Variants in XYLB observed in about 807,000 individuals in gnomAD.
The protein encoded by XYLB is xylulose kinase.
XYLB carries 62 observed loss-of-function variants against 78.7 expected under a neutral mutation model. That is an observed-to-expected ratio of 0.79 (90% CI 0.64 to 0.97). The LOEUF is 0.97. Ranked by LOEUF, XYLB falls within the 50% of genes least tolerant of loss-of-function variation. The probability of loss-of-function intolerance (pLI) is 0.00; values close to 1 mark genes in which losing one functional copy is unlikely to be tolerated. For missense variants in XYLB, 687 were observed against 676.8 expected (o/e 1.02, Z -0.17); for synonymous variants, 245 against 247.4 (o/e 0.99, Z 0.09).
At chr3:38,423,854 C>T (rs1709049062), downstream of XYLB, among the ~76,000 whole-genome samples, 1 of 152,206 alleles carries the variant, frequency 6.6e-6, no homozygotes, top group African/African-American at 2.4e-5. Flanking sequence ...TGACAAAATT[C>T]AGACTACTAC....
chr3:38,439,304 T>G, the XYLB span, among the ~76,000 whole-genome samples: 15 of 152,248 alleles, frequency 9.9e-5, no homozygotes, highest in East Asian at 1.2e-3. Flanking sequence ...CATTTGGGAT[T>G]CCATTTGTAA....
chr3:38,348,464 G>C (rs1705186435), intron 1 of XYLB, 86 bp from the exon 2 acceptor site: 2 of 1,278,316 alleles, frequency 1.6e-6, no homozygotes, highest in Admixed American at 1.8e-5. Context: ...TAGGGTGTGG[G>C]GCCTCATCTG....
At chr3:38,395,365 T>G in intron 15 of XYLB, 140 bp from the exon 16 acceptor site, 1 of 742,652 alleles carries the variant, frequency 1.3e-6, no homozygotes. Context: ...CAGCTTTGGA[T>G]CTCTCCCGTA....
the XYLB span, among the ~76,000 whole-genome samples, chr3:38,447,215 C>G: frequency 0.52 from 78,087 of 151,454 alleles, 21,186 homozygotes; most frequent in Non-Finnish European, 0.61. Context: ...TCAAAGCCAC[C>G]ATATAATTAT....
downstream of XYLB, among the ~76,000 whole-genome samples, chr3:38,419,604 A>ATATAT (rs1559628830): frequency 7.5e-5 from 8 of 107,200 alleles, no homozygotes; most frequent in East Asian, 2.6e-4. Flanking sequence ...ATATATATAT[A>ATATAT]ATAGCCATCG....
the XYLB span, among the ~76,000 whole-genome samples, chr3:38,449,891 T>C: frequency 6.6e-6 from 1 of 152,384 alleles, no homozygotes; most frequent in Admixed American, 6.5e-5. Flanking sequence ...GTGTTAGCTT[T>C]CTACCCAAGC....
chr3:38,390,136 CCAT>C (rs1213939208), intron 15 of XYLB, among the ~76,000 whole-genome samples: 1 of 152,106 alleles, frequency 6.6e-6, no homozygotes, highest in Non-Finnish European at 1.5e-5. Flanking sequence ...TCTTTCTTGA[CCAT>C]CATCATCTTA....
chr3:38,358,517 G>A (rs567911892), intron 2 of XYLB, among the ~76,000 whole-genome samples: 1 of 151,738 alleles, frequency 6.6e-6, no homozygotes, highest in Non-Finnish European at 1.5e-5. Context: ...GCTAATTTTT[G>A]TATTTTTGTA....
chr3:38,362,957 GAAGATGAAGGCTTCGGGCTTC>G lies in XYLB; in HGVS notation c.232_252del (p.Lys78_Phe84del), dbSNP rs1559579726. ...CTTAGGCACTGGATATCATCTTGGA[GAAGATGAAGGCTTCGGGCTTC>G]GACTTCTCTCAAGTCCTAGCCTTGT... On this transcript the variant is annotated inframe_deletion, in exon 4 of 19. Coordinates refer to ENST00000207870, the MANE Select transcript of XYLB (RefSeq NM_005108.4). 1.3e-6 allele frequency: 2 copies of G among 1,584,460 alleles called. No individual in the cohort carries two copies. The highest frequency in any genetic ancestry group is 1.7e-6 in the Non-Finnish European group (2 of 1,164,222).
intron 13 of XYLB, 26 bp from the exon 14 acceptor site, chr3:38,376,892 C>T: frequency 1.3e-6 from 2 of 1,599,274 alleles, no homozygotes; most frequent in Non-Finnish European, 1.7e-6. Context: ...CTAATGACGG[C>T]TGATCTCTTC....
At chr3:38,366,383 G>A (rs569007879) in intron 6 of XYLB, among the ~76,000 whole-genome samples, 1 of 152,128 alleles carries the variant, frequency 6.6e-6, no homozygotes, top group Non-Finnish European at 1.5e-5. Context: ...CAGTCCTGAT[G>A]TGGGAGAGGC....
downstream of XYLB, among the ~76,000 whole-genome samples, chr3:38,419,578 T>TTATATATATATATATATATATA (rs67869604): frequency 2.6e-3 from 174 of 68,208 alleles, 5 homozygotes; most frequent in African/African-American, 6.6e-3. Context: ...TTATTTTTCT[T>TTATATATATATATATATATATA]TATATATATA....
At chr3:38,370,392 C>A in intron 9 of XYLB, 1 of 433,262 alleles carries the variant, frequency 2.3e-6, no homozygotes. Flanking sequence ...CAGGTACATG[C>A]CTTATGGTCA....
chr3:38,375,965 C>A (rs146769999), intron 12 of XYLB, 152 bp from the exon 13 acceptor site: 5 of 656,198 alleles, frequency 7.6e-6, no homozygotes, highest in African/African-American at 5.4e-5. Flanking sequence ...GAAGAGCCTC[C>A]GATACCTAAG....
intron 2 of XYLB, among the ~76,000 whole-genome samples, chr3:38,357,392 C>CTTTTTTT (rs56176736): frequency 6.9e-6 from 1 of 145,286 alleles, no homozygotes. Context: ...TCTCTACATC[C>CTTTTTTT]TTTTTTTTTT....
At chr3:38,356,000 C>T (rs1158122685) in intron 2 of XYLB, 6 of 523,794 alleles carry the variant, frequency 1.1e-5, no homozygotes, top group Non-Finnish European at 2.0e-5. Context: ...CCTGTAATCC[C>T]AGCACTTTGG....
rs773843052 is a variant in XYLB, at chr3:38,362,968, C to T, written c.242C>T (p.Ala81Val). The T allele has an allele frequency of 6.3e-7, 1 of 1,585,312 alleles. No homozygotes were observed. The highest frequency in any genetic ancestry group is 1.2e-5 in the South Asian group (1 of 86,742). ...GATATCATCTTGGAGAAGATGAAGG[C>T]TTCGGGCTTCGACTTCTCTCAAGTC... ...ALDIILEKMK[A>V]SGFDFSQVLA... The change falls in exon 4 of 19, where the codon GCT becomes GTT. Residue 81 changes from alanine (A) to valine (V), a missense_variant. Transcript: ENST00000207870.
intron 15 of XYLB, 72 bp from the exon 16 acceptor site, chr3:38,395,433 C>G (rs1707828035): frequency 7.0e-7 from 1 of 1,433,160 alleles, no homozygotes; most frequent in Non-Finnish European, 9.8e-7. Flanking sequence ...AGCTGAAGAA[C>G]TCTGCAAAAA....
At position 38,370,090 on chromosome 3, in the gene XYLB, A is replaced by G; in HGVS notation, c.681A>G (p.Lys227=). The G allele has an allele frequency of 6.2e-7, 1 of 1,614,214 alleles. No individual in the cohort carries two copies. ...TGAATTTGTTGCAGATACAGGATAA[A>G]GTCTGGTCCCAGGCTTGCCTTGGTG... ...SGMNLLQIQD[K]VWSQACLGAC... Residue 227 remains lysine (K), a synonymous_variant, in exon 9 of 19, where the codon AAA becomes AAG. Coordinates refer to ENST00000207870, the MANE Select transcript of XYLB (RefSeq NM_005108.4).
Sources: allele counts gnomAD v4.1 joint callset (sites outside exome capture counted in the v4.1 genomes callset), GRCh38; gene constraint gnomAD v4.1.1; transcripts MANE v1.5; gene names NCBI Gene and HGNC (gene_info 2026-07-23, HGNC 2026-07-21).